The following COL1A2 variants were observed in gnomAD, a reference collection of about 807,000 sequenced individuals.
COL1A2 encodes collagen type I alpha 2 chain.
COL1A2 carries 49 observed loss-of-function variants against 174.3 expected under a neutral mutation model. That is an observed-to-expected ratio of 0.28 (90% CI 0.22 to 0.36). The LOEUF (loss-of-function observed/expected upper bound fraction) is 0.36. COL1A2 is among the 10% of genes least tolerant of loss of function. The pLI is 1.00. For synonymous variants in COL1A2, 655 were observed against 606.6 expected (o/e 1.08, Z -1.17); for missense variants, 1,438 against 1,822.7 (o/e 0.79, Z 3.84).
chr7:94,408,984 C>T (rs1352228459), intron 16 of COL1A2, among the ~76,000 whole-genome samples, 161 bp downstream of exon 16: 3 of 152,110 alleles, frequency 2.0e-5, no homozygotes, highest in African/African-American at 7.2e-5. Flanking sequence ...TCTCACTCTA[C>T]ATTTGAAATA....
Position 94,420,639 on chromosome 7 carries a change from T to C in COL1A2, c.2286T>C (p.Ala762=). 1 of 1,594,784 alleles carries C rather than the reference T, an allele frequency of 6.3e-7. No homozygotes were observed. Among genetic ancestry groups the C allele is most frequent in the African/African-American group, 1.3e-5 (1 of 74,624 alleles). Residue 762 remains alanine (A), a synonymous_variant, in exon 37 of 52, where the codon GCT becomes GCC. Transcript: ENST00000297268. The stretch of plus-strand genomic sequence containing the variant: ...GTCCCACAGGCCCCGTTGGAGCTGC[T>C]GGCCCAGCTGTAAGTTGAATTCACT... ...VVGPTGPVGA[A]GPAGPNGPPG... is the part of the protein sequence containing the mutation.
rs112227035 is a variant in COL1A2, at chr7:94,421,110, A to G, written c.2349+48A>G. ...CGCCGCTTTTCTTTTTTCAGAATCT[A>G]TTAAGGACACTTGAAAGTTTTGAAA... On this transcript the variant is annotated intron_variant, in intron 38 of 51. Transcript: ENST00000297268. The G allele has an allele frequency of 3.6e-5, 57 of 1,594,890 alleles. No individual in the cohort carries two copies. The African/African-American group carries it at 4.8e-4, about 13-fold the overall frequency.
At chr7:94,408,315 T>G in intron 14 of COL1A2, 21 bp from the exon 15 acceptor site, 1 of 1,614,104 alleles carries the variant, frequency 6.2e-7, no homozygotes, top group Non-Finnish European at 8.5e-7. Context: ...CCACCTGATC[T>G]TCCCTTTATT....
rs1554398544 is a variant in COL1A2, at chr7:94,427,209, C to A, written c.3181C>A (p.Pro1061Thr). 1 of 1,614,028 alleles carries A rather than the reference C, an allele frequency of 6.2e-7. No homozygotes were observed. The highest frequency in any genetic ancestry group is 8.5e-7 in the Non-Finnish European group (1 of 1,179,998). Residue 1061 changes from proline to threonine, a missense_variant, in exon 48 of 52, where the codon CCT becomes ACT. Pro to Thr is a conservative substitution (Grantham distance 38). This residue lies in a region of COL1A2 where 867 missense variants were observed against 1,213.7 expected (regional missense o/e 0.71). Coordinates refer to ENST00000297268, the MANE Select transcript of COL1A2 (RefSeq NM_000089.4). ...GPRGPAGPSG[P>T]AGKDGRTGHP... ...TTAGGGCCCTGCTGGTCCTTCTGGC[C>A]CTGCTGGAAAAGATGGTCGCACTGG...
intron 11 of COL1A2, 136 bp from the exon 12 acceptor site, chr7:94,406,114 T>C: frequency 1.1e-6 from 1 of 874,418 alleles, no homozygotes; most frequent in Non-Finnish European, 1.9e-6. Context: ...TGCTGGGACC[T>C]GGAACACTGG....
chr7:94,416,133 G>A (rs1267641386), intron 30 of COL1A2, among the ~76,000 whole-genome samples: 2 of 152,110 alleles, frequency 1.3e-5, no homozygotes, highest in Non-Finnish European at 2.9e-5. Context: ...CCTCAAAGAA[G>A]GGGAATGAAT....
intron 42 of COL1A2, 95 bp from the exon 43 acceptor site, chr7:94,425,515 G>A (rs776325181): frequency 1.5e-5 from 19 of 1,256,484 alleles, no homozygotes; most frequent in Non-Finnish European, 2.2e-5. Flanking sequence ...TCGTTACTGA[G>A]CACTGGAAGT....
At chr7:94,425,324 C>A (rs1792251046) in intron 42 of COL1A2, 100 bp downstream of exon 42, 7 of 1,152,334 alleles carry the variant, frequency 6.1e-6, no homozygotes, top group Non-Finnish European at 6.4e-6. Flanking sequence ...AATTTCTGAA[C>A]AAGATGGTCA....
chr7:94,427,653 T>A lies in COL1A2; in HGVS notation c.3294T>A (p.Pro1098=). The A allele has an allele frequency of 6.2e-7, 1 of 1,614,194 alleles. No homozygotes were observed. The highest frequency in any genetic ancestry group is 8.5e-7 in the Non-Finnish European group (1 of 1,180,024). Residue 1098 remains proline, a synonymous_variant, in exon 49 of 52, where the codon CCT becomes CCA. Coordinates refer to ENST00000297268, the MANE Select transcript of COL1A2 (RefSeq NM_000089.4). ...GCCCCCCTGGTCCCCCTGGCCCTCC[T>A]GGACCTCCAGGTGTAAGCGGTGGTG... is the stretch of plus-strand genomic sequence containing the variant. The part of the protein sequence containing the change: ...PAGPPGPPGP[P]GPPGVSGGGY...
intron 30 of COL1A2, 128 bp from the exon 31 acceptor site, chr7:94,416,277 A>T: frequency 1.3e-6 from 1 of 761,184 alleles, no homozygotes; most frequent in East Asian, 2.7e-5. Context: ...TAGGAACAAA[A>T]GAAATTTTAA....
chr7:94,397,785 TA>T, intron 2 of COL1A2, 27 bp downstream of exon 2: 2 of 1,267,048 alleles, frequency 1.6e-6, no homozygotes, highest in South Asian at 1.3e-5. Context: ...TTAGAATTTT[TA>T]AAAATACTTT....
chr7:94,400,122 G>C (rs1791660204), intron 4 of COL1A2, 74 bp from the exon 5 acceptor site: 4 of 1,390,606 alleles, frequency 2.9e-6, no homozygotes. Flanking sequence ...CTGAACAACT[G>C]ATCTTACCAC....
rs139075530 is a variant in COL1A2 at position 94,417,996 on chromosome 7, C to G, written c.1971+165C>G. On this transcript the variant is annotated intron_variant, in intron 32 of 51. Coordinates refer to ENST00000297268, the MANE Select transcript of COL1A2 (RefSeq NM_000089.4). ...TAGCACCTACACATTTCTAAACTCA[C>G]TAATCTGGCAAAATTCCTTGCTACC... Among the ~76,000 whole-genome samples, 310 of 152,326 alleles carry G rather than the reference C, an allele frequency of 2.0e-3. 24 individuals carry two copies. The highest frequency in any genetic ancestry group is 1.6e-3 in the Non-Finnish European group (106 of 68,034).
intron 27 of COL1A2, 46 bp from the exon 28 acceptor site, chr7:94,413,848 T>A (rs41317150): frequency 6.2e-7 from 1 of 1,610,450 alleles, no homozygotes; most frequent in East Asian, 2.2e-5. Context: ...TAGACAACAG[T>A]GGTGACATAC....
At position 94,427,277 on chromosome 7, in the gene COL1A2, G is replaced by C; in HGVS notation, c.3249G>C (p.Gln1083His). The part of the protein sequence containing the change: ...TVGPAGIRGP[Q>H]GHQGPAGPPG... ...GACCTGCTGGCATTCGAGGCCCTCA[G>C]GGTCACCAAGGCCCTGCTGTAAGTA... The change falls in exon 48 of 52, where the codon CAG becomes CAC. Residue 1083 changes from glutamine to histidine, a missense_variant. By Grantham distance (24) the Gln-to-His change is conservative (BLOSUM62 0). Coordinates refer to ENST00000297268, the MANE Select transcript of COL1A2 (RefSeq NM_000089.4). 1 of 1,612,926 alleles carries C rather than the reference G, an allele frequency of 6.2e-7. No individual in the cohort carries two copies. The highest frequency in any genetic ancestry group is 8.5e-7 in the Non-Finnish European group (1 of 1,179,476).
At chr7:94,417,484 C>T (rs752133175) in intron 31 of COL1A2, 33 of 513,106 alleles carry the variant, frequency 6.4e-5, no homozygotes, top group Non-Finnish European at 9.6e-5. Context: ...AGGACTGAAG[C>T]AGGTTATAGA....
intron 19 of COL1A2, 123 bp from the exon 20 acceptor site, chr7:94,410,119 G>T (rs1791889038): frequency 7.2e-6 from 7 of 968,760 alleles, no homozygotes; most frequent in Admixed American, 2.0e-5. Context: ...TATGAACAGG[G>T]TACATTTCCT....
At chr7:94,400,431 C>G (rs1201930822) in intron 5 of COL1A2, 143 bp downstream of exon 5, 4 of 804,874 alleles carry the variant, frequency 5.0e-6, no homozygotes, top group African/African-American at 1.7e-5. Context: ...TTTTTTCACT[C>G]AAGATTCTGC....
At chr7:94,427,476 TG>T in intron 48 of COL1A2, 150 bp from the exon 49 acceptor site, 2 of 1,108,294 alleles carry the variant, frequency 1.8e-6, no homozygotes, top group Non-Finnish European at 2.7e-6. Context: ...CAAGTGTGCC[TG>T]GGGGCTCGTT....
Sources: gnomAD v4.1 joint callset for allele counts (sites outside exome capture counted in the v4.1 genomes callset) on GRCh38, gnomAD v4.1.1 for gene constraint, gnomAD v4.1.1 regional missense constraint, MANE v1.5 for transcripts, NCBI Gene and HGNC (gene_info 2026-07-23, HGNC 2026-07-21) for gene names.